Variants in EXD1 observed in about 807,000 individuals in gnomAD.
The protein encoded by EXD1 is piRNA biogenesis protein EXD1.
In EXD1, 63 loss-of-function variants were observed where a neutral mutation model predicts 49.1. The observed-to-expected ratio is 1.28, with a 90% CI of 1.05 to 1.58. EXD1 has a LOEUF of 1.58. Ranked by LOEUF, EXD1 falls within the 40% of genes most tolerant of loss-of-function variation. EXD1 has a pLI of 0.00. For missense variants in EXD1, 748 were observed against 666.0 expected, an observed-to-expected ratio of 1.12 and a Z score of -1.36; for synonymous variants, 234 against 239.2, an observed-to-expected ratio of 0.98 and a Z score of 0.20.
At chr15:41,205,055 C>A (rs2046801091) in intron 7 of EXD1, among the ~76,000 whole-genome samples, 1 of 152,162 alleles carries the variant, frequency 6.6e-6, no homozygotes. Flanking sequence ...TTTGTTGAAC[C>A]TAAACATAAA....
intron 6 of EXD1, among the ~76,000 whole-genome samples, chr15:41,214,153 A>C (rs1476906114): frequency 6.6e-6 from 1 of 150,956 alleles, no homozygotes; most frequent in Admixed American, 6.6e-5. Context: ...GGCGAAAGAG[A>C]CTCCATCTCA....
chr15:41,222,728 A>T (rs913461851), intron 2 of EXD1, among the ~76,000 whole-genome samples: 3 of 150,142 alleles, frequency 2.0e-5, no homozygotes, highest in African/African-American at 7.3e-5. Flanking sequence ...CACAAGGTCA[A>T]GAGATTGAGA....
rs567050105 is a variant in EXD1, at chr15:41,189,975, A to G, written c.1018T>C (p.Tyr340His). Reference protein sequence around the residue: ...TTLVDGYLNTYREGSADRLGG... With the variant: ...TTLVDGYLNTHREGSADRLGG... ...AGCCGGTCTGCAGACCCTTCGCGAT[A>G]CGTGTTTAGGTAACCATCCACCAGG... Residue 340 changes from tyrosine to histidine, a missense_variant, in exon 11 of 12, where the codon TAT (tyrosine) becomes CAT (histidine). Coordinates refer to ENST00000458580, the MANE Select transcript of EXD1 (RefSeq NM_001286441.2). The G allele has an allele frequency of 2.5e-6, 4 of 1,614,050 alleles. No individual in the cohort carries two copies. Among genetic ancestry groups the G allele is most frequent in the Admixed American group, 3.3e-5 (2 of 59,986 alleles).
intron 11 of EXD1, among the ~76,000 whole-genome samples, chr15:41,184,840 T>C (rs995132709): frequency 2.6e-5 from 4 of 151,924 alleles, no homozygotes; most frequent in Non-Finnish European, 5.9e-5. Context: ...CTATTGTTAG[T>C]AGAGACAGAG....
chr15:41,193,253 C>T (rs890753233), intron 9 of EXD1, among the ~76,000 whole-genome samples: 1 of 152,080 alleles, frequency 6.6e-6, no homozygotes, highest in Non-Finnish European at 1.5e-5. Context: ...TACCTACCTG[C>T]CTTATGGTTA....
At chr15:41,206,461 G>A (rs2046822207) in intron 7 of EXD1, among the ~76,000 whole-genome samples, 1 of 125,744 alleles carries the variant, frequency 8.0e-6, no homozygotes, top group Non-Finnish European at 1.6e-5. Flanking sequence ...GGGCAACAGA[G>A]AGACCCTGTC....
intron 7 of EXD1, among the ~76,000 whole-genome samples, chr15:41,205,294 T>G (rs1043882115): frequency 6.6e-6 from 1 of 152,154 alleles, no homozygotes; most frequent in Non-Finnish European, 1.5e-5. Flanking sequence ...CCAGGAGAGA[T>G]GACTTCAAGA....
At chr15:41,216,317 A>AG (rs1013794167) in intron 5 of EXD1, among the ~76,000 whole-genome samples, 6 of 151,558 alleles carry the variant, frequency 4.0e-5, no homozygotes, top group Non-Finnish European at 7.4e-5. Context: ...AAAAAAAAAA[A>AG]AGAGAGAGAG....
chr15:41,217,176 T>G, intron 3 of EXD1, 22 bp from the exon 4 acceptor site: 1 of 1,606,984 alleles, frequency 6.2e-7, no homozygotes, highest in East Asian at 2.2e-5. Flanking sequence ...CCAAATGGCT[T>G]CCAACAGAGT....
At chr15:41,192,760 A>C (rs1341487844) in intron 9 of EXD1, among the ~76,000 whole-genome samples, 1 of 148,028 alleles carries the variant, frequency 6.8e-6, no homozygotes, top group Non-Finnish European at 1.5e-5. Context: ...CTACAGGCAC[A>C]TCCCACTATG....
chr15:41,217,093 T>G lies in EXD1; in HGVS notation c.260+4A>C, dbSNP rs778151036. ...TCATAATTAAGAAAATTATTCCTTCTTACCTAACAGAAGATGCTTTTGCTC... is the reference window on the plus strand; with the variant it reads ...TCATAATTAAGAAAATTATTCCTTCGTACCTAACAGAAGATGCTTTTGCTC... On this transcript the variant is annotated splice_donor_region_variant and intron_variant, in intron 4 of 11. Coordinates refer to ENST00000458580, the MANE Select transcript of EXD1 (RefSeq NM_001286441.2). The G allele has an allele frequency of 3.0e-5, 48 of 1,610,864 alleles. No homozygotes were observed. The highest frequency in any genetic ancestry group is 4.0e-5 in the Non-Finnish European group (47 of 1,178,814).
chr15:41,226,672 T>G, intron 1 of EXD1, 44 bp from the exon 2 acceptor site: 2 of 1,424,130 alleles, frequency 1.4e-6, no homozygotes, highest in Non-Finnish European at 1.8e-6. Context: ...AAAGATTTTT[T>G]GGGAGTAAAG....
At chr15:41,226,753 T>C in intron 1 of EXD1, 125 bp from the exon 2 acceptor site, 2 of 797,008 alleles carry the variant, frequency 2.5e-6, no homozygotes, top group Non-Finnish European at 3.6e-6. Flanking sequence ...GTTCATCTTT[T>C]TGGAATGATG....
intron 7 of EXD1, among the ~76,000 whole-genome samples, chr15:41,199,668 CATT>C (rs1299410432): frequency 3.0e-4 from 18 of 59,456 alleles, no homozygotes; most frequent in Non-Finnish European, 5.6e-4. Context: ...ATGATATACA[CATT>C]ATATATATCA....
At chr15:41,197,815 G>A (rs1023469141) in intron 7 of EXD1, among the ~76,000 whole-genome samples, 49 of 143,912 alleles carry the variant, frequency 3.4e-4, no homozygotes, top group African/African-American at 8.8e-4. Flanking sequence ...TAATAGAGAT[G>A]GGGTTTCACT....
chr15:41,216,567 G>C, intron 5 of EXD1, 101 bp downstream of exon 5: 1 of 1,201,978 alleles, frequency 8.3e-7, no homozygotes, highest in Non-Finnish European at 1.1e-6. Flanking sequence ...GGAGGTGGAG[G>C]TTGCAGTGAG....
At position 41,194,973 on chromosome 15, in the gene EXD1, T is replaced by C. The variant is rs201666121; in HGVS notation, c.720+802A>G. Among the ~76,000 whole-genome samples, 22 of 152,294 alleles carry C rather than the reference T, an allele frequency of 1.4e-4. No homozygotes were observed. In the East Asian group the frequency reaches 4.2e-3, roughly 29 times the overall value. On this transcript the variant is annotated intron_variant, in intron 9 of 11. Transcript: ENST00000458580. ...TTGGCCAACTTATTAGTTCAGTTTC[T>C]CTCCAAAGGCTCTAAGCTTGTGTAA...
At chr15:41,193,126 C>G (rs1268468722) in intron 9 of EXD1, among the ~76,000 whole-genome samples, 1 of 151,954 alleles carries the variant, frequency 6.6e-6, no homozygotes, top group East Asian at 1.9e-4. Context: ...CTACGTTGTT[C>G]GGGCTGATCT....
chr15:41,199,723 T>TATATATCTCATATATATC (rs1555414681), intron 7 of EXD1, among the ~76,000 whole-genome samples: 4 of 36,308 alleles, frequency 1.1e-4, no homozygotes, highest in Non-Finnish European at 2.6e-4. Flanking sequence ...TATGATATAT[T>TATATATCTCATATATATC]ATATATGATA....
Sources: allele counts gnomAD v4.1 joint callset (sites outside exome capture counted in the v4.1 genomes callset), GRCh38; gene constraint gnomAD v4.1.1; transcripts MANE v1.5; gene names NCBI Gene and HGNC (gene_info 2026-07-23, HGNC 2026-07-21).